Variants in SLC43A1 observed in about 807,000 individuals in gnomAD.
SLC43A1 encodes solute carrier family 43 member 1.
In SLC43A1, 31 loss-of-function variants were observed where a neutral mutation model predicts 59.5. The ratio of observed to expected loss-of-function variants is 0.52; its 90% CI spans 0.39 to 0.70. SLC43A1 has a LOEUF of 0.70. SLC43A1 is among the 30% of genes least tolerant of loss of function. The pLI is 0.00. For synonymous variants in SLC43A1, 259 were observed against 290.9 expected (o/e 0.89, Z 1.12); for missense variants, 598 against 717.8 (o/e 0.83, Z 1.91).
chr11:57,505,226 C>T (rs564645054), intron 2 of SLC43A1, among the ~76,000 whole-genome samples: 1 of 152,268 alleles, frequency 6.6e-6, no homozygotes, highest in African/African-American at 2.4e-5. Context: ...TAAAAACATA[C>T]ATTGGCCAGC....
At chr11:57,489,810 G>A (rs1246046442) in intron 11 of SLC43A1, among the ~76,000 whole-genome samples, 1 of 152,352 alleles carries the variant, frequency 6.6e-6, no homozygotes, top group Non-Finnish European at 1.5e-5. Context: ...TCCTCAGGAA[G>A]GTGTCCCTGC....
intron 14 of SLC43A1, among the ~76,000 whole-genome samples, chr11:57,485,615 T>A (rs1347491307): frequency 6.6e-6 from 1 of 152,082 alleles, no homozygotes; most frequent in Non-Finnish European, 1.5e-5. Flanking sequence ...TGGGATCCCG[T>A]TCAGGGTGGC....
At position 57,486,340 on chromosome 11, in the gene SLC43A1, T is replaced by A. The variant is rs192623086; in HGVS notation, c.1533+755A>T. Among the ~76,000 whole-genome samples the A allele has an allele frequency of 8.5e-3, 1,287 of 152,088 alleles. 6 individuals carry two copies. The highest frequency in any genetic ancestry group is 0.014 in the African/African-American group (579 of 41,482). On this transcript the variant is annotated intron_variant, in intron 14 of 14. Transcript: ENST00000278426. ...TGTTTATCTGTACAAAATTTTTTTT[T>A]AAAAAATTAGCCAGGTATGGTAGCC...
In SLC43A1 at chr11:57,513,938, C is replaced by CCCCCCCCCAATTG; in HGVS notation, c.154+19_154+20insCAATTGGGGGGGG. ...TTGCCATCCCTCCCCCCAGCCCACCCAGCCCATTTTCAGGCATACCTGGGC... is the reference window on the plus strand; with the variant it reads ...TTGCCATCCCTCCCCCCAGCCCACCCCCCCCCCCAATTGAGCCCATTTTCAGGCATACCTGGGC... On this transcript the variant is annotated intron_variant, in intron 2 of 14. Coordinates refer to ENST00000278426, the MANE Select transcript of SLC43A1 (RefSeq NM_003627.6). 2 of 1,311,328 alleles carry CCCCCCCCCAATTG rather than the reference C, an allele frequency of 1.5e-6. No individual in the cohort carries two copies. Among genetic ancestry groups the CCCCCCCCCAATTG allele is most frequent in the Non-Finnish European group, 1.1e-6 (1 of 922,932 alleles). 81.2% of individuals were successfully genotyped at this position (1,311,328 alleles called of 1,614,324 possible). A position where few individuals can be genotyped will look rare whatever the true frequency, so the allele number is the denominator to read the frequency against.
intron 2 of SLC43A1, among the ~76,000 whole-genome samples, chr11:57,503,394 G>A (rs983426680): frequency 1.4e-5 from 2 of 145,400 alleles, no homozygotes; most frequent in African/African-American, 5.1e-5. Flanking sequence ...TGACTTCCCA[G>A]CTCACTGTAG....
At chr11:57,486,878 A>G (rs2439889) in intron 14 of SLC43A1, among the ~76,000 whole-genome samples, 150,913 of 152,290 alleles carry the variant, frequency 0.99, 74,779 homozygotes, top group South Asian at 1. Flanking sequence ...AGACTCCTAC[A>G]GTCAGGCTGA....
At chr11:57,486,702 G>C (rs537145670) in intron 14 of SLC43A1, among the ~76,000 whole-genome samples, 1 of 151,156 alleles carries the variant, frequency 6.6e-6, no homozygotes, top group African/African-American at 2.4e-5. Flanking sequence ...CCAGCTACTT[G>C]AGAGGCTGAG....
chr11:57,509,636 A>C (rs932659997), intron 2 of SLC43A1, among the ~76,000 whole-genome samples: 5 of 128,106 alleles, frequency 3.9e-5, no homozygotes, highest in Admixed American at 1.6e-4. Context: ...GAAGGAAGGA[A>C]GGAAGGAAGG....
At chr11:57,496,687 G>A (rs950020107) in intron 6 of SLC43A1, among the ~76,000 whole-genome samples, 1 of 152,206 alleles carries the variant, frequency 6.6e-6, no homozygotes, top group Non-Finnish European at 1.5e-5. Flanking sequence ...CAACTGGGGG[G>A]GTTGGGGAGA....
At chr11:57,499,675 A>T (rs1176483824) in intron 5 of SLC43A1, 1 of 152,376 alleles carries the variant, frequency 6.6e-6, no homozygotes, top group Non-Finnish European at 1.5e-5. Flanking sequence ...GGCCAAGAGC[A>T]GCGGCCCAGG....
In SLC43A1 at chr11:57,489,291, C is replaced by T. The variant is rs1943832518; in HGVS notation, c.1295G>A (p.Gly432Asp). ...AFTLTNLLLVGFGITCLINNL... is the reference protein window; with the variant it reads ...AFTLTNLLLVDFGITCLINNL... ...GTTGATGAGACAGGTGATGCCAAAA[C>T]CCACAAGCAGCAGGTTGGTCAGGGT... The change falls in exon 12 of 15, where the codon GGT (glycine) becomes GAT (aspartate). Residue 432 changes from glycine to aspartate, a missense_variant. Gly to Asp is a moderately conservative substitution (Grantham distance 94). Coordinates refer to ENST00000278426, the MANE Select transcript of SLC43A1 (RefSeq NM_003627.6). The T allele has an allele frequency of 3.1e-6, 5 of 1,614,146 alleles. No individual in the cohort carries two copies. The highest frequency in any genetic ancestry group is 4.2e-6 in the Non-Finnish European group (5 of 1,180,032).
chr11:57,489,861 G>T (rs960075636), intron 11 of SLC43A1, among the ~76,000 whole-genome samples: 3 of 152,216 alleles, frequency 2.0e-5, no homozygotes, highest in Non-Finnish European at 2.9e-5. Context: ...CAGCAGCTTG[G>T]CCTGACTGTC....
Position 57,515,143 on chromosome 11 carries a change from C to G in SLC43A1, c.-14+301G>C. The stretch of plus-strand genomic sequence containing the variant: ...GGACTCGGTATTCTCATCTGTGAAA[C>G]GGGGCTTTGGGTTCAAGCGCTCCAG... On this transcript the variant is annotated intron_variant, in intron 1 of 14. Coordinates refer to ENST00000278426, the MANE Select transcript of SLC43A1 (RefSeq NM_003627.6). This position sits in a 1 kb window ranked among gnomAD's most constrained non-coding sequence, Gnocchi z 5.3. 1 of 917,620 alleles carries G rather than the reference C, an allele frequency of 1.1e-6. No homozygotes were observed. The highest frequency in any genetic ancestry group is 1.3e-6 in the Non-Finnish European group (1 of 768,186). 56.8% of individuals were successfully genotyped at this position (917,620 alleles called of 1,614,324 possible). A position where few individuals can be genotyped will look rare whatever the true frequency, so the allele number is the denominator to read the frequency against.
At chr11:57,485,805 T>C in intron 14 of SLC43A1, among the ~76,000 whole-genome samples, 1 of 152,200 alleles carries the variant, frequency 6.6e-6, no homozygotes, top group East Asian at 1.9e-4. Context: ...TCAGGGCTGT[T>C]GTGGCGAAGA....
At chr11:57,489,481 C>T (rs1357980747) in intron 11 of SLC43A1, 89 bp from the exon 12 acceptor site, 2 of 1,484,914 alleles carry the variant, frequency 1.3e-6, no homozygotes, top group Admixed American at 1.9e-5. Context: ...TCAGATGTGC[C>T]TTCGATGTCA....
intron 14 of SLC43A1, among the ~76,000 whole-genome samples, chr11:57,486,033 C>T (rs895260787): frequency 6.6e-6 from 1 of 152,216 alleles, no homozygotes; most frequent in African/African-American, 2.4e-5. Context: ...GGGTGCCCTA[C>T]CACTGAGGGT....
rs566152197 is a variant in SLC43A1 at position 57,501,621 on chromosome 11, G to T, written c.155-292C>A. On this transcript the variant is annotated intron_variant, in intron 2 of 14. Coordinates refer to ENST00000278426, the MANE Select transcript of SLC43A1 (RefSeq NM_003627.6). ...ATGCACTCAGTGTCCAAGCTTAGGGGGTTGTGGACCCCCAACAAGAAGTGC... is the reference window on the plus strand; with the variant it reads ...ATGCACTCAGTGTCCAAGCTTAGGGTGTTGTGGACCCCCAACAAGAAGTGC... Among the ~76,000 whole-genome samples, 3 of 152,288 alleles carry T rather than the reference G, an allele frequency of 2.0e-5. No individual in the cohort carries two copies. In the East Asian group the frequency reaches 5.8e-4, roughly 29 times the overall value.
intron 2 of SLC43A1, among the ~76,000 whole-genome samples, chr11:57,507,541 GA>G (rs1944420178): frequency 6.6e-6 from 1 of 152,208 alleles, no homozygotes; most frequent in African/African-American, 2.4e-5. Flanking sequence ...TACTTAGGGG[GA>G]TGAGACATGA....
At chr11:57,509,244 C>A (rs987443870) in intron 2 of SLC43A1, among the ~76,000 whole-genome samples, 4 of 152,060 alleles carry the variant, frequency 2.6e-5, no homozygotes, top group African/African-American at 9.7e-5. Context: ...TATACAAAAT[C>A]AACTCAAAAT....
Sources: gnomAD v4.1 joint callset for allele counts (sites outside exome capture counted in the v4.1 genomes callset) on GRCh38, gnomAD v4.1.1 for gene constraint, Gnocchi (gnomAD v3.1) non-coding constraint, MANE v1.5 for transcripts, NCBI Gene and HGNC (gene_info 2026-07-23, HGNC 2026-07-21) for gene names.